Variants in GPC6 observed in about 807,000 individuals in gnomAD.
GPC6 encodes the protein glypican-6.
A neutral mutation model predicts 55.2 loss-of-function variants in GPC6; 14 were observed. That is an observed-to-expected ratio of 0.25 (90% CI 0.17 to 0.40). GPC6 has a LOEUF of 0.40. GPC6 is among the 10% of genes least tolerant of loss of function. The pLI is 1.00. For synonymous variants in GPC6, 278 were observed against 259.6 expected (o/e 1.07, Z -0.68); for missense variants, 641 against 708.5 (o/e 0.90, Z 1.08).
intron 3 of GPC6, among the ~76,000 whole-genome samples, chr13:93,929,207 C>G (rs1023973820): frequency 6.6e-6 from 1 of 152,200 alleles, no homozygotes; most frequent in Non-Finnish European, 1.5e-5. Context: ...CTCCAGAAGT[C>G]TGATTAGCAC....
intron 1 of GPC6, among the ~76,000 whole-genome samples, chr13:93,255,595 G>A (rs1876925573): frequency 6.6e-6 from 1 of 152,066 alleles, no homozygotes; most frequent in Non-Finnish European, 1.5e-5. Context: ...GATCTTTATA[G>A]AATACTGAAG....
At chr13:93,561,783 A>G (rs1875827666) in intron 2 of GPC6, among the ~76,000 whole-genome samples, 1 of 152,150 alleles carries the variant, frequency 6.6e-6, no homozygotes, top group Non-Finnish European at 1.5e-5. Flanking sequence ...CATTCTACCG[A>G]CAGAGAGCAA....
chr13:94,370,053 G>A (rs1051392440), intron 6 of GPC6, among the ~76,000 whole-genome samples: 2 of 152,226 alleles, frequency 1.3e-5, no homozygotes, highest in African/African-American at 4.8e-5. Flanking sequence ...TGGGAGCCAA[G>A]AAGTACAGCT....
intron 2 of GPC6, among the ~76,000 whole-genome samples, chr13:93,604,886 A>G (rs1030306876): frequency 3.3e-5 from 5 of 152,174 alleles, no homozygotes; most frequent in Admixed American, 1.3e-4. Context: ...GTAAGGCGAC[A>G]TTCTTGGAAT....
intron 4 of GPC6, among the ~76,000 whole-genome samples, chr13:94,211,471 C>A: frequency 1.3e-5 from 2 of 151,970 alleles, no homozygotes; most frequent in African/African-American, 2.4e-5. Flanking sequence ...TTATTTTTGT[C>A]AATTATGAGT....
chr13:93,910,437 T>C (rs896988402), intron 3 of GPC6, among the ~76,000 whole-genome samples: 2 of 152,154 alleles, frequency 1.3e-5, no homozygotes, highest in East Asian at 1.9e-4. Flanking sequence ...ATTAGCAGCA[T>C]GAGAACTAAT....
chr13:94,407,542 T>A lies in GPC6; in HGVS notation c.*4325T>A, dbSNP rs1041884220. On this transcript the variant is annotated 3_prime_UTR_variant, in exon 9 of 9. Transcript: ENST00000377047. ...CTCGTATATTAAAACAGTGCCACTC[T>A]CCTAAGTACACTCAGCATCTGAAAT... 6.6e-6 allele frequency: 1 copy of A among 152,168 alleles called. No homozygotes were observed. The highest frequency in any genetic ancestry group is 1.5e-5 in the Non-Finnish European group (1 of 68,012). The allele number at this position is 152,168 out of a possible 1,614,324, so 9.4% of individuals were successfully genotyped here.
At chr13:93,783,519 C>T (rs887767653) in intron 2 of GPC6, among the ~76,000 whole-genome samples, 3 of 152,112 alleles carry the variant, frequency 2.0e-5, no homozygotes, top group Non-Finnish European at 4.4e-5. Flanking sequence ...TAATAATCGC[C>T]ATTCTGACTG....
intron 1 of GPC6, among the ~76,000 whole-genome samples, chr13:93,482,719 G>A (rs9516239): frequency 0.79 from 120,799 of 152,030 alleles, 48,138 homozygotes; most frequent in East Asian, 0.99. Context: ...AAATATACTG[G>A]GATTCATATA....
intron 2 of GPC6, among the ~76,000 whole-genome samples, chr13:93,637,472 G>A (rs1879747564): frequency 6.6e-6 from 1 of 152,076 alleles, no homozygotes; most frequent in South Asian, 2.1e-4. Context: ...TAGGTCTTTT[G>A]AAATTTCTCT....
At position 93,447,573 on chromosome 13, in the gene GPC6, G is replaced by C. The variant is rs904274797; in HGVS notation, c.161-97690G>C. On this transcript the variant is annotated intron_variant, in intron 1 of 8. Coordinates refer to ENST00000377047, the MANE Select transcript of GPC6 (RefSeq NM_005708.5). ...TTTGATCAAGACATTCTAATTGGCCGTATTCCCCAAATGAGCATTTCTATT... is the reference window on the plus strand; with the variant it reads ...TTTGATCAAGACATTCTAATTGGCCCTATTCCCCAAATGAGCATTTCTATT... 7.9e-5 allele frequency among the ~76,000 whole-genome samples: 12 copies of C among 152,156 alleles called. 1 individual carries two copies. In the South Asian group the frequency reaches 2.5e-3, roughly 32 times the overall value.
chr13:94,349,598 A>C (rs998114995), intron 6 of GPC6, among the ~76,000 whole-genome samples: 61 of 152,008 alleles, frequency 4.0e-4, no homozygotes, highest in African/African-American at 1.3e-3. Flanking sequence ...CCCTATTTCT[A>C]CTGTGTCTGA....
chr13:93,464,247 A>G (rs1900050), intron 1 of GPC6, among the ~76,000 whole-genome samples: 27,731 of 152,126 alleles, frequency 0.18, 3,061 homozygotes, highest in East Asian at 0.48. Context: ...GGTGAATGTG[A>G]CAATTGCCTT....
chr13:93,452,988 C>A (rs1292578171), intron 1 of GPC6, among the ~76,000 whole-genome samples: 1 of 152,200 alleles, frequency 6.6e-6, no homozygotes, highest in Non-Finnish European at 1.5e-5. Context: ...TATGAATTAG[C>A]TTTGTAAGCT....
intron 1 of GPC6, among the ~76,000 whole-genome samples, chr13:93,416,628 G>A (rs1876706669): frequency 6.6e-6 from 1 of 152,078 alleles, no homozygotes; most frequent in Non-Finnish European, 1.5e-5. Context: ...CTAGCAAATT[G>A]TAGGTCTTAT....
intron 1 of GPC6, among the ~76,000 whole-genome samples, 161 bp from the exon 2 acceptor site, chr13:93,545,102 T>A (rs1874709718): frequency 6.6e-6 from 1 of 152,180 alleles, no homozygotes; most frequent in African/African-American, 2.4e-5. Flanking sequence ...GAATGTTAGA[T>A]ACACTGATGT....
At chr13:93,388,657 T>C (rs1047504563) in intron 1 of GPC6, among the ~76,000 whole-genome samples, 10 of 152,236 alleles carry the variant, frequency 6.6e-5, no homozygotes, top group African/African-American at 1.9e-4. Context: ...ACCTGACCTC[T>C]GTAAGGGACA....
intron 4 of GPC6, among the ~76,000 whole-genome samples, chr13:94,132,082 A>C (rs1234116353): frequency 1.3e-5 from 2 of 152,078 alleles, no homozygotes; most frequent in African/African-American, 4.8e-5. Flanking sequence ...TCTGGAGAAC[A>C]CTGGTGGAGA....
intron 1 of GPC6, among the ~76,000 whole-genome samples, chr13:93,326,304 A>C (rs1879650778): frequency 6.6e-6 from 1 of 152,134 alleles, no homozygotes; most frequent in African/African-American, 2.4e-5. Flanking sequence ...ATTCTCATGC[A>C]ATAGGTCTGG....
Sources: allele counts gnomAD v4.1 joint callset (sites outside exome capture counted in the v4.1 genomes callset), GRCh38; gene constraint gnomAD v4.1.1; transcripts MANE v1.5; gene names NCBI Gene and HGNC (gene_info 2026-07-23, HGNC 2026-07-21).